The following DCUN1D5 variants were observed in gnomAD, a reference collection of about 807,000 sequenced individuals.
DCUN1D5 encodes the protein DCN1-like protein 5.
A neutral mutation model predicts 38.3 loss-of-function variants in DCUN1D5; 10 were observed. The ratio of observed to expected loss-of-function variants is 0.26; its 90% CI spans 0.16 to 0.44. The LOEUF is 0.44. Ranked by LOEUF, DCUN1D5 falls within the 20% of genes least tolerant of loss-of-function variation. The pLI, the probability that DCUN1D5 is intolerant of heterozygous loss-of-function variation, is 1.00. For synonymous variants in DCUN1D5, 93 were observed against 90.9 expected, an observed-to-expected ratio of 1.02 and a Z score of -0.13; for missense variants, 148 against 275.3, an observed-to-expected ratio of 0.54 and a Z score of 3.27.
Position 103,051,732 on chromosome 11 carries a change from G to C in DCUN1D5, c.*10627C>G, listed in dbSNP as rs1038799800. ...TCAATCTTACCTCTACCTCACAGAAGAGGAAAAAGGGAGCTCAAGTTATCT... is the reference window on the plus strand; with the variant it reads ...TCAATCTTACCTCTACCTCACAGAACAGGAAAAAGGGAGCTCAAGTTATCT... On this transcript the variant is annotated 3_prime_UTR_variant, in exon 8 of 8. Transcript: ENST00000260247. 6.6e-6 allele frequency: 1 copy of C among 151,762 alleles called. No homozygotes were observed. The highest frequency in any genetic ancestry group is 2.4e-5 in the African/African-American group (1 of 41,320). The allele number at this position is 151,762 out of a possible 1,614,324, so 9.4% of individuals were successfully genotyped here. A position where few individuals can be genotyped will look rare whatever the true frequency, so the allele number is the denominator to read the frequency against.
At chr11:103,072,405 T>C (rs2134614812) in intron 4 of DCUN1D5, among the ~76,000 whole-genome samples, 1 of 152,078 alleles carries the variant, frequency 6.6e-6, no homozygotes, top group Admixed American at 6.5e-5. Flanking sequence ...GCCATCCCAT[T>C]ACTGGGCATA....
In DCUN1D5 at chr11:103,073,484, T is replaced by C. The variant is rs1040476019; in HGVS notation, c.342-6917A>G. ...ATACACTAGAATACCTAAAACAATTTTGAAACAGGATGCATAAGTCTACCT... is the reference window on the plus strand; with the variant it reads ...ATACACTAGAATACCTAAAACAATTCTGAAACAGGATGCATAAGTCTACCT... On this transcript the variant is annotated intron_variant, in intron 4 of 7. Coordinates refer to ENST00000260247, the MANE Select transcript of DCUN1D5 (RefSeq NM_032299.4). The surrounding 1 kb of genome is among the most constrained non-coding windows in gnomAD (Gnocchi z 4.2). 8.5e-5 allele frequency among the ~76,000 whole-genome samples: 13 copies of C among 152,320 alleles called. No homozygotes were observed. The highest frequency in any genetic ancestry group is 1.3e-4 in the Non-Finnish European group (9 of 68,022).
chr11:103,084,420 T>C (rs1016344048), intron 2 of DCUN1D5, among the ~76,000 whole-genome samples: 1 of 152,232 alleles, frequency 6.6e-6, no homozygotes, highest in African/African-American at 2.4e-5. Context: ...ATGACATTAA[T>C]ACTGGTCTGA....
At chr11:103,069,458 C>G (rs969731378) in intron 4 of DCUN1D5, among the ~76,000 whole-genome samples, 1 of 152,166 alleles carries the variant, frequency 6.6e-6, no homozygotes, top group African/African-American at 2.4e-5. Context: ...CCTAAAATGT[C>G]CACCCTTACC....
chr11:103,088,260 C>T (rs1565294837), intron 2 of DCUN1D5, among the ~76,000 whole-genome samples: 1 of 151,466 alleles, frequency 6.6e-6, no homozygotes, highest in Admixed American at 6.6e-5. Context: ...ATATACACTT[C>T]CATTTTAAAC....
chr11:103,074,313 C>T (rs1326821183), intron 4 of DCUN1D5, among the ~76,000 whole-genome samples: 1 of 152,176 alleles, frequency 6.6e-6, no homozygotes, highest in Non-Finnish European at 1.5e-5. Context: ...TCACATTCCC[C>T]TTCTGCCTCT....
Position 103,083,205 on chromosome 11 carries a change from G to C in DCUN1D5, c.249+51C>G. Reference sequence around the variant, plus strand: ...AGTGTCTCGATTTTTAGTAATTTACGAATATGCTATACCCCACTTATATGC... The same window carrying C: ...AGTGTCTCGATTTTTAGTAATTTACCAATATGCTATACCCCACTTATATGC... On this transcript the variant is annotated intron_variant, in intron 3 of 7. Transcript: ENST00000260247. The surrounding 1 kb of genome is among the most constrained non-coding windows in gnomAD (Gnocchi z 4.4). 1.2e-6 allele frequency: 1 copy of C among 848,494 alleles called. No individual in the cohort carries two copies. Among genetic ancestry groups the C allele is most frequent in the Non-Finnish European group, 2.0e-6 (1 of 507,346 alleles). 52.6% of individuals were successfully genotyped at this position (848,494 alleles called of 1,614,324 possible).
rs1862277958 is a variant in DCUN1D5 at position 103,071,747 on chromosome 11, C to G, written c.342-5180G>C. 6.6e-6 allele frequency among the ~76,000 whole-genome samples: 1 copy of G among 150,862 alleles called. No individual in the cohort carries two copies. Among genetic ancestry groups the G allele is most frequent in the Non-Finnish European group, 1.5e-5 (1 of 67,610 alleles). Reference sequence around the variant, plus strand: ...TACAATATACAGTAGTCTGAGTAGACCTGTTATTATTAACGAAATTGAACT... The same window carrying G: ...TACAATATACAGTAGTCTGAGTAGAGCTGTTATTATTAACGAAATTGAACT... On this transcript the variant is annotated intron_variant, in intron 4 of 7. Coordinates refer to ENST00000260247, the MANE Select transcript of DCUN1D5 (RefSeq NM_032299.4). This position sits in a 1 kb window ranked among gnomAD's most constrained non-coding sequence, Gnocchi z 4.1.
rs555532335 is a variant in DCUN1D5 at position 103,055,891 on chromosome 11, T to C, written c.*6468A>G. 1 of 152,294 alleles carries C rather than the reference T, an allele frequency of 6.6e-6. No homozygotes were observed. The highest frequency in any genetic ancestry group is 1.9e-4 in the East Asian group (1 of 5,188). The allele number at this position is 152,294 out of a possible 1,614,324, so 9.4% of individuals were successfully genotyped here. A position where few individuals can be genotyped will look rare whatever the true frequency, so the allele number is the denominator to read the frequency against. On this transcript the variant is annotated 3_prime_UTR_variant, in exon 8 of 8. Coordinates refer to ENST00000260247, the MANE Select transcript of DCUN1D5 (RefSeq NM_032299.4). The stretch of plus-strand genomic sequence containing the variant: ...TCTGACAGACAAGTCTACCATAACA[T>C]ATCCAAAAGTAAACTCTCAATCTAC...
chr11:103,087,385 T>C lies in DCUN1D5; in HGVS notation c.178+1842A>G, dbSNP rs146188536. ...GAGTGTTTCACCATGTTAACCAGGA[T>C]GGTCTCGATCTCCTGACCTCGTGAT... is the stretch of plus-strand genomic sequence containing the variant. On this transcript the variant is annotated intron_variant, in intron 2 of 7. Transcript: ENST00000260247. The surrounding 1 kb of genome is among the most constrained non-coding windows in gnomAD (Gnocchi z 4.1). Among the ~76,000 whole-genome samples the C allele has an allele frequency of 1.4e-3, 212 of 152,176 alleles. 2 individuals carry two copies. Among genetic ancestry groups the C allele is most frequent in the African/African-American group, 4.7e-3 (194 of 41,518 alleles).
chr11:103,062,873 TAATG>T lies in DCUN1D5; in HGVS notation c.659-463_659-460del, dbSNP rs1320088922. On this transcript the variant is annotated intron_variant, in intron 7 of 7. Transcript: ENST00000260247. This position sits in a 1 kb window ranked among gnomAD's most constrained non-coding sequence, Gnocchi z 4.6. ...CAAAGCTGAACACAAAGCAAGTGCCTAATGAATATCTAATTAATGAGCTAAGTAC... is the reference window on the plus strand; with the variant it reads ...CAAAGCTGAACACAAAGCAAGTGCCTAATATCTAATTAATGAGCTAAGTAC... Among the ~76,000 whole-genome samples the T allele has an allele frequency of 1.3e-5, 2 of 152,110 alleles. No individual in the cohort carries two copies. The highest frequency in any genetic ancestry group is 2.9e-5 in the Non-Finnish European group (2 of 67,972).
In DCUN1D5 at chr11:103,091,130, T is replaced by G. The variant is rs1433133428; in HGVS notation, c.86+657A>C. 6.6e-6 allele frequency among the ~76,000 whole-genome samples: 1 copy of G among 152,132 alleles called. No individual in the cohort carries two copies. The highest frequency in any genetic ancestry group is 1.5e-5 in the Non-Finnish European group (1 of 68,022). On this transcript the variant is annotated intron_variant, in intron 1 of 7. Coordinates refer to ENST00000260247, the MANE Select transcript of DCUN1D5 (RefSeq NM_032299.4). This position sits in a 1 kb window ranked among gnomAD's most constrained non-coding sequence, Gnocchi z 4.3. ...TTTATGCTGAGAGCTAACAGCGTCCTGAATGCTAGAAGACAAAAAGCATGC... is the reference window on the plus strand; with the variant it reads ...TTTATGCTGAGAGCTAACAGCGTCCGGAATGCTAGAAGACAAAAAGCATGC...
chr11:103,068,471 C>A (rs766707240), intron 4 of DCUN1D5, among the ~76,000 whole-genome samples: 1 of 151,986 alleles, frequency 6.6e-6, no homozygotes, highest in Non-Finnish European at 1.5e-5. Context: ...TACATATACA[C>A]CATGGTATAT....
In DCUN1D5 at chr11:103,056,475, T is replaced by TCAG. The variant is rs1457668273; in HGVS notation, c.*5883_*5884insCTG. 6.6e-5 allele frequency among the ~76,000 whole-genome samples: 10 copies of TCAG among 152,196 alleles called. No individual in the cohort carries two copies. The highest frequency in any genetic ancestry group is 1.3e-4 in the Non-Finnish European group (9 of 68,022). The stretch of plus-strand genomic sequence containing the variant: ...CACCTCCTCAGGCCTCTGCTCAATG[T>TCAG]CACATATCAGTGTACATGCTACTTA... On this transcript the variant is annotated 3_prime_UTR_variant, in exon 8 of 8. Transcript: ENST00000260247. The surrounding 1 kb of genome is among the most constrained non-coding windows in gnomAD (Gnocchi z 4.9).
chr11:103,082,730 T>A lies in DCUN1D5; in HGVS notation c.341+18A>T, dbSNP rs914416601. On this transcript the variant is annotated intron_variant, in intron 4 of 7. Coordinates refer to ENST00000260247, the MANE Select transcript of DCUN1D5 (RefSeq NM_032299.4). ...TTCAAATAGGCCATCAAATTTGTTT[T>A]TTAAAAAAATTTCTTACTGTAATGA... is the stretch of plus-strand genomic sequence containing the variant. The A allele has an allele frequency of 6.3e-7, 1 of 1,574,826 alleles. No homozygotes were observed. Among genetic ancestry groups the A allele is most frequent in the East Asian group, 2.2e-5 (1 of 44,506 alleles).
chr11:103,075,915 T>G (rs1862396925), intron 4 of DCUN1D5, among the ~76,000 whole-genome samples: 1 of 152,224 alleles, frequency 6.6e-6, no homozygotes. Flanking sequence ...AGTGCAAAAA[T>G]TATTCATTAT....
chr11:103,065,700 T>C lies in DCUN1D5; in HGVS notation c.555+569A>G, dbSNP rs34235589. On this transcript the variant is annotated intron_variant, in intron 6 of 7. Coordinates refer to ENST00000260247, the MANE Select transcript of DCUN1D5 (RefSeq NM_032299.4). The surrounding 1 kb of genome is among the most constrained non-coding windows in gnomAD (Gnocchi z 4.6). The stretch of plus-strand genomic sequence containing the variant: ...GAATCACTGCCTATAGTAGTTGCTA[T>C]GATAAACCTTCTAAAAGAACACGTC... Among the ~76,000 whole-genome samples the C allele has an allele frequency of 3.9e-3, 594 of 152,218 alleles. 3 individuals are homozygous for C. The highest frequency in any genetic ancestry group is 4.8e-3 in the Non-Finnish European group (329 of 67,998).
chr11:103,088,308 A>G (rs2134638411), intron 2 of DCUN1D5, among the ~76,000 whole-genome samples: 1 of 152,320 alleles, frequency 6.6e-6, no homozygotes, highest in East Asian at 1.9e-4. Context: ...AAGAAGGAGA[A>G]AAAAAAGTGA....
intron 1 of DCUN1D5, among the ~76,000 whole-genome samples, chr11:103,089,955 C>G (rs1862814282): frequency 6.7e-6 from 1 of 149,762 alleles, no homozygotes; most frequent in African/African-American, 2.5e-5. Flanking sequence ...TTCATAAAAT[C>G]ATTTTCATTG....
Sources: gnomAD v4.1 joint callset for allele counts (sites outside exome capture counted in the v4.1 genomes callset) on GRCh38, gnomAD v4.1.1 for gene constraint, Gnocchi (gnomAD v3.1) non-coding constraint, MANE v1.5 for transcripts, NCBI Gene and HGNC (gene_info 2026-07-23, HGNC 2026-07-21) for gene names.